SEMA6D: variants seen among roughly 807,000 people sequenced by gnomAD.
SEMA6D encodes the protein semaphorin-6D.
A neutral mutation model predicts 106.6 loss-of-function variants in SEMA6D; 35 were observed. The observed-to-expected ratio is 0.33, with a 90% CI of 0.25 to 0.44. The LOEUF (loss-of-function observed/expected upper bound fraction) is 0.44, where lower values mean the gene tolerates loss of function less well. SEMA6D is among the 20% of genes least tolerant of loss of function. The pLI, the probability that SEMA6D is intolerant of heterozygous loss-of-function variation, is 1.00. For missense variants in SEMA6D, 1,185 were observed against 1,345.9 expected (o/e 0.88, Z 1.87); for synonymous variants, 499 against 487.7 (o/e 1.02, Z -0.31).
chr15:47,369,742 A>G (rs527405687), intron 1 of SEMA6D, among the ~76,000 whole-genome samples: 15 of 152,344 alleles, frequency 9.8e-5, no homozygotes, highest in African/African-American at 3.6e-4. Context: ...TCCTAGCCAT[A>G]GAGAAAATCT....
At chr15:47,653,737 T>C (rs567606147) in intron 4 of SEMA6D, among the ~76,000 whole-genome samples, 59 of 152,384 alleles carry the variant, frequency 3.9e-4, no homozygotes, top group African/African-American at 1.4e-3. Context: ...GTAGTAAAAA[T>C]GTATCTTATA....
chr15:47,625,983 A>C (rs1596474857), intron 4 of SEMA6D, among the ~76,000 whole-genome samples: 1 of 152,310 alleles, frequency 6.6e-6, no homozygotes, highest in East Asian at 1.9e-4. Context: ...TCAGGGCTTG[A>C]AGAGACCAGG....
chr15:47,225,432 T>G (rs1375567411), intron 1 of SEMA6D, among the ~76,000 whole-genome samples: 1 of 151,628 alleles, frequency 6.6e-6, no homozygotes, highest in Non-Finnish European at 1.5e-5. Context: ...TTCATATGCT[T>G]ATTTGCCATC....
chr15:47,355,916 C>T (rs1463141628), intron 1 of SEMA6D, among the ~76,000 whole-genome samples: 1 of 152,174 alleles, frequency 6.6e-6, no homozygotes, highest in African/African-American at 2.4e-5. Context: ...TTCCAAGTCT[C>T]TGTTTACAGT....
intron 1 of SEMA6D, among the ~76,000 whole-genome samples, chr15:47,188,232 A>T (rs1335085250): frequency 6.6e-6 from 1 of 152,210 alleles, no homozygotes; most frequent in African/African-American, 2.4e-5. Flanking sequence ...TTCATAACTA[A>T]ATGCAACTAG....
At chr15:47,595,711 T>C (rs145499412) in intron 3 of SEMA6D, among the ~76,000 whole-genome samples, 24 of 152,296 alleles carry the variant, frequency 1.6e-4, no homozygotes, top group African/African-American at 3.1e-4. Context: ...TGGGCTTTTC[T>C]TTGATGGGAG....
intron 4 of SEMA6D, among the ~76,000 whole-genome samples, chr15:47,672,815 G>A (rs1161003478): frequency 6.6e-6 from 1 of 152,076 alleles, no homozygotes; most frequent in African/African-American, 2.4e-5. Flanking sequence ...ATAATTCAGT[G>A]TAACATAATA....
chr15:47,244,741 G>A (rs756016713), intron 1 of SEMA6D, among the ~76,000 whole-genome samples: 1 of 152,102 alleles, frequency 6.6e-6, no homozygotes, highest in Non-Finnish European at 1.5e-5. Context: ...GTGCATGTTT[G>A]ATACATGGGT....
intron 1 of SEMA6D, among the ~76,000 whole-genome samples, chr15:47,226,491 A>G (rs974830771): frequency 2.0e-5 from 3 of 152,140 alleles, no homozygotes; most frequent in African/African-American, 7.2e-5. Flanking sequence ...CACAGACGCA[A>G]AGTCCAGTAC....
intron 1 of SEMA6D, among the ~76,000 whole-genome samples, chr15:47,285,243 T>G (rs896690356): frequency 2.6e-5 from 4 of 152,142 alleles, no homozygotes; most frequent in Non-Finnish European, 4.4e-5. Flanking sequence ...ACTCTGTCTC[T>G]CTCTCTCTCT....
At chr15:47,589,218 C>T (rs540478364) in intron 3 of SEMA6D, among the ~76,000 whole-genome samples, 1 of 152,216 alleles carries the variant, frequency 6.6e-6, no homozygotes, top group Non-Finnish European at 1.5e-5. Flanking sequence ...ACTCCCACCA[C>T]ACCACCTCCA....
chr15:47,278,467 T>C (rs1018681331), intron 1 of SEMA6D, among the ~76,000 whole-genome samples: 7 of 152,196 alleles, frequency 4.6e-5, no homozygotes, highest in African/African-American at 1.4e-4. Context: ...GTTGTTTGTT[T>C]TTTTCTTGTA....
At chr15:47,376,440 T>C (rs2039450632) in intron 1 of SEMA6D, among the ~76,000 whole-genome samples, 1 of 152,250 alleles carries the variant, frequency 6.6e-6, no homozygotes, top group Non-Finnish European at 1.5e-5. Flanking sequence ...AATGGAGATG[T>C]TGAACATAAA....
intron 1 of SEMA6D, among the ~76,000 whole-genome samples, chr15:47,193,038 C>G (rs1449735692): frequency 6.6e-6 from 1 of 152,150 alleles, no homozygotes; most frequent in African/African-American, 2.4e-5. Context: ...GGATCATTGC[C>G]TTATCTCCCA....
intron 3 of SEMA6D, among the ~76,000 whole-genome samples, chr15:47,550,392 CTTCT>C (rs1297095923): frequency 1.3e-5 from 2 of 152,150 alleles, no homozygotes; most frequent in Non-Finnish European, 2.9e-5. Context: ...CCCTCATTTA[CTTCT>C]TTCTATTAAA....
At chr15:47,335,321 T>C (rs2037509464) in intron 1 of SEMA6D, among the ~76,000 whole-genome samples, 1 of 152,168 alleles carries the variant, frequency 6.6e-6, no homozygotes, top group Non-Finnish European at 1.5e-5. Flanking sequence ...AATCCACATC[T>C]GTGAACAATC....
intron 1 of SEMA6D, among the ~76,000 whole-genome samples, chr15:47,356,838 A>G (rs1268558052): frequency 6.6e-6 from 1 of 151,432 alleles, no homozygotes; most frequent in Non-Finnish European, 1.5e-5. Flanking sequence ...AGAGGAGCCA[A>G]CTCCTTGAAC....
At chr15:47,517,279 G>A (rs2044419354) in intron 3 of SEMA6D, among the ~76,000 whole-genome samples, 1 of 152,090 alleles carries the variant, frequency 6.6e-6, no homozygotes, top group African/African-American at 2.4e-5. Context: ...AGATGGGTAT[G>A]TTAGAAATTA....
At chr15:47,525,200 TAGAG>T (rs1401890848) in intron 3 of SEMA6D, 3 of 152,182 alleles carry the variant, frequency 2.0e-5, no homozygotes, top group Non-Finnish European at 4.4e-5. Context: ...TTCAAAGAGA[TAGAG>T]AAGATGAAAA....
Sources: gnomAD v4.1 joint callset for allele counts (sites outside exome capture counted in the v4.1 genomes callset) on GRCh38, gnomAD v4.1.1 for gene constraint, MANE v1.5 for transcripts, NCBI Gene and HGNC (gene_info 2026-07-23, HGNC 2026-07-21) for gene names.